Variants in SLC14A2 observed in about 807,000 individuals in gnomAD.
SLC14A2 encodes urea transporter 2.
SLC14A2 carries 91 observed loss-of-function variants against 104.6 expected under a neutral mutation model. The ratio of observed to expected loss-of-function variants is 0.87; its 90% CI spans 0.73 to 1.04. The LOEUF is 1.04. Ranked by LOEUF, SLC14A2 falls within the 50% of genes least tolerant of loss-of-function variation. SLC14A2 has a pLI of 0.00. For synonymous variants in SLC14A2, 476 were observed against 466.4 expected (o/e 1.02, Z -0.27); for missense variants, 1,189 against 1,156.0 (o/e 1.03, Z -0.41).
At chr18:45,388,366 A>T (rs545179696) in intron 1 of SLC14A2, among the ~76,000 whole-genome samples, 82 of 152,148 alleles carry the variant, frequency 5.4e-4, no homozygotes, top group African/African-American at 1.9e-3. Context: ...CCGGCTGCTC[A>T]TATCTTAAAT....
At chr18:45,309,154 A>T (rs1403319969) in intron 1 of SLC14A2, among the ~76,000 whole-genome samples, 1 of 152,172 alleles carries the variant, frequency 6.6e-6, no homozygotes, top group Admixed American at 6.5e-5. Flanking sequence ...ACTACACAGT[A>T]TAAGGGGCTT....
chr18:45,239,238 G>A (rs2084286926), intron 1 of SLC14A2, among the ~76,000 whole-genome samples: 1 of 152,166 alleles, frequency 6.6e-6, no homozygotes, highest in Non-Finnish European at 1.5e-5. Flanking sequence ...AAGTGTCAAA[G>A]ATGAACCAAC....
In SLC14A2 at chr18:45,410,849, C is replaced by A. The variant is rs191810446; in HGVS notation, c.-124-72384C>A. 2.6e-5 allele frequency among the ~76,000 whole-genome samples: 4 copies of A among 152,286 alleles called. No homozygotes were observed. The East Asian group carries it at 5.8e-4, about 22-fold the overall frequency. ...CCTCGCTTAAGAAAACCTCCCAGTG[C>A]CCTTTCTCTGTAGATCTGTAGATGA... On this transcript the variant is annotated intron_variant, in intron 1 of 20. Transcript: ENST00000586448.
At chr18:45,210,371 A>G (rs545831968), upstream of SLC14A2, among the ~76,000 whole-genome samples, 2 of 152,276 alleles carry the variant, frequency 1.3e-5, no homozygotes, top group Non-Finnish European at 2.9e-5. Context: ...CCTGAAGCCA[A>G]GGGTTTGAGA....
Position 45,667,949 on chromosome 18 carries a change from C to G in SLC14A2, c.1834C>G (p.Pro612Ala). 6.2e-7 allele frequency: 1 copy of G among 1,614,138 alleles called. No homozygotes were observed. Among genetic ancestry groups the G allele is most frequent in the South Asian group, 1.1e-5 (1 of 91,082 alleles). ...CATCCTCGGCCTCTTCATCCAGAAC[C>G]CCTGGTGGGCGATCTCAGGCTGCCT... is the stretch of plus-strand genomic sequence containing the variant. ...LIILGLFIQN[P>A]WWAISGCLGT... The change falls in exon 14 of 20, where the codon CCC (proline) becomes GCC (alanine). Residue 612 changes from proline (P) to alanine (A), a missense_variant. Physicochemically the swap from Pro to Ala is conservative, Grantham distance 27 (BLOSUM62 -1). Transcript: ENST00000255226.
At chr18:45,376,749 G>A (rs2085779140) in intron 1 of SLC14A2, among the ~76,000 whole-genome samples, 1 of 152,162 alleles carries the variant, frequency 6.6e-6, no homozygotes, top group Non-Finnish European at 1.5e-5. Flanking sequence ...TTTGAAGCTA[G>A]GCTTGTAAGC....
At chr18:45,342,879 T>C (rs2085410045) in intron 1 of SLC14A2, among the ~76,000 whole-genome samples, 1 of 152,206 alleles carries the variant, frequency 6.6e-6, no homozygotes, top group Non-Finnish European at 1.5e-5. Context: ...CAGATCTACT[T>C]CTAGTTATAG....
At chr18:45,290,578 C>T (rs2084859402) in intron 1 of SLC14A2, among the ~76,000 whole-genome samples, 1 of 152,132 alleles carries the variant, frequency 6.6e-6, no homozygotes, top group Non-Finnish European at 1.5e-5. Context: ...TAGGTACCAG[C>T]CCCATGTGAC....
At chr18:45,360,890 G>T (rs115546346) in intron 1 of SLC14A2, among the ~76,000 whole-genome samples, 16 of 152,276 alleles carry the variant, frequency 1.1e-4, no homozygotes, top group African/African-American at 3.6e-4. Flanking sequence ...AAGTTTATCT[G>T]AAACATTCCC....
Position 45,608,387 on chromosome 18 carries a change from G to A in SLC14A2, c.-34-16244G>A, listed in dbSNP as rs373883943. On this transcript the variant is annotated intron_variant, in intron 2 of 20. Transcript: ENST00000586448. Reference sequence around the variant, plus strand: ...CCTCTGTGTGTTGCCTTACAAGGCAGTTCTCACCATCCCTGCCTCATGGAT... The same window carrying A: ...CCTCTGTGTGTTGCCTTACAAGGCAATTCTCACCATCCCTGCCTCATGGAT... Among the ~76,000 whole-genome samples, 19 of 152,332 alleles carry A rather than the reference G, an allele frequency of 1.2e-4. 2 individuals are homozygous for A. The South Asian group carries it at 3.5e-3, about 28-fold the overall frequency.
intron 1 of SLC14A2, among the ~76,000 whole-genome samples, chr18:45,300,949 C>G (rs1329120051): frequency 6.6e-6 from 1 of 152,188 alleles, no homozygotes; most frequent in Non-Finnish European, 1.5e-5. Flanking sequence ...TGCTATACCA[C>G]AGGAGACACT....
intron 1 of SLC14A2, 133 bp from the exon 2 acceptor site, chr18:45,624,498 C>T (rs2045228529): frequency 3.8e-6 from 2 of 523,934 alleles, no homozygotes; most frequent in Admixed American, 7.6e-5. Context: ...CTCAACTCTA[C>T]AGCACAAGCT....
chr18:45,676,974 T>C (rs1473284415), intron 18 of SLC14A2, among the ~76,000 whole-genome samples: 1 of 152,146 alleles, frequency 6.6e-6, no homozygotes, highest in African/African-American at 2.4e-5. Context: ...TTTTCCAACA[T>C]CATACAGTCA....
chr18:45,414,555 A>G (rs1268824332), intron 1 of SLC14A2, among the ~76,000 whole-genome samples: 7 of 151,564 alleles, frequency 4.6e-5, no homozygotes, highest in Admixed American at 4.6e-4. Flanking sequence ...GTGTATACCT[A>G]TGTAACAAAA....
intron 1 of SLC14A2, among the ~76,000 whole-genome samples, chr18:45,361,862 A>T (rs748313504): frequency 6.6e-6 from 1 of 152,166 alleles, no homozygotes; most frequent in African/African-American, 2.4e-5. Flanking sequence ...TAATTGCTGC[A>T]TGGAAAAAAA....
At position 45,229,511 on chromosome 18, in the gene SLC14A2, G is replaced by A. The variant is rs376019794; in HGVS notation, c.-125+16320G>A. On this transcript the variant is annotated intron_variant, in intron 1 of 20. Transcript: ENST00000586448. ...AGGCGAGAGCTAAACAAGTTCTGCC[G>A]TGTCACTCCTTCACTCAGAAACCTA... 2.9e-4 allele frequency among the ~76,000 whole-genome samples: 44 copies of A among 152,114 alleles called. No individual in the cohort carries two copies. In the East Asian group the frequency reaches 5.0e-3, roughly 17 times the overall value.
intron 2 of SLC14A2, among the ~76,000 whole-genome samples, chr18:45,486,558 A>G (rs187157086): frequency 9.8e-5 from 15 of 152,330 alleles, no homozygotes; most frequent in African/African-American, 3.1e-4. Context: ...GACAAAATCT[A>G]TTAGCCATCT....
At chr18:45,670,779 GC>G in intron 16 of SLC14A2, among the ~76,000 whole-genome samples, 1 of 152,152 alleles carries the variant, frequency 6.6e-6, no homozygotes, top group Non-Finnish European at 1.5e-5. Context: ...TCCCACCTCA[GC>G]CTTCTGAGTA....
chr18:45,227,118 C>A (rs1260834616), intron 1 of SLC14A2, among the ~76,000 whole-genome samples: 2 of 152,152 alleles, frequency 1.3e-5, no homozygotes, highest in Non-Finnish European at 2.9e-5. Context: ...GCCTTTCTCT[C>A]CCCAGCAAAA....
Sources: gnomAD v4.1 joint callset for allele counts (sites outside exome capture counted in the v4.1 genomes callset) on GRCh38, gnomAD v4.1.1 for gene constraint, MANE v1.5 for transcripts, NCBI Gene and HGNC (gene_info 2026-07-23, HGNC 2026-07-21) for gene names.